Variants in ATP8A2 observed in about 807,000 individuals in gnomAD.
ATP8A2 encodes phospholipid-transporting ATPase IB.
A neutral mutation model predicts 165.6 loss-of-function variants in ATP8A2; 100 were observed. That is an observed-to-expected ratio of 0.60 (90% CI 0.51 to 0.71). The LOEUF is 0.71. Ranked by LOEUF, ATP8A2 falls within the 30% of genes least tolerant of loss-of-function variation. The pLI is 0.00. For synonymous variants in ATP8A2, 543 were observed against 548.8 expected (o/e 0.99, Z 0.15); for missense variants, 1,227 against 1,479.5 (o/e 0.83, Z 2.80).
intron 27 of ATP8A2, among the ~76,000 whole-genome samples, chr13:25,824,592 T>G (rs1325025484): frequency 2.0e-5 from 3 of 152,222 alleles, no homozygotes; most frequent in Non-Finnish European, 4.4e-5. Context: ...TCTGGTCTCC[T>G]ATCACTTTGC....
intron 35 of ATP8A2, among the ~76,000 whole-genome samples, chr13:25,998,195 A>G (rs1046141635): frequency 3.3e-5 from 5 of 152,194 alleles, no homozygotes; most frequent in Admixed American, 2.6e-4. Context: ...TGAAGAGGGA[A>G]AAGGATGCCT....
In ATP8A2 at chr13:25,532,274, G is replaced by T. The variant is rs992701371; in HGVS notation, c.423G>T (p.Lys141Asn). ...TATTTTTTTTCTTTCTGTAACAGAA[G>T]CGACACAAGGCAGACAATGCAGTTA... ...AGIKEIVEDF[K>N]RHKADNAVNK... The change falls in exon 5 of 37, where the codon AAG becomes AAT. Residue 141 changes from lysine (K) to asparagine (N), a missense_variant and splice_region_variant. Lys to Asn is a moderately conservative substitution (Grantham distance 94). This residue lies in a region of ATP8A2 where 356 missense variants were observed against 394.9 expected (regional missense o/e 0.90). Coordinates refer to ENST00000381655, the MANE Select transcript of ATP8A2 (RefSeq NM_016529.6). The T allele has an allele frequency of 1.9e-6, 3 of 1,609,046 alleles. No homozygotes were observed. The highest frequency in any genetic ancestry group is 2.5e-6 in the Non-Finnish European group (3 of 1,178,238).
chr13:25,383,623 C>T (rs1027959043), intron 1 of ATP8A2, among the ~76,000 whole-genome samples: 19 of 152,166 alleles, frequency 1.2e-4, no homozygotes, highest in Admixed American at 1.2e-3. Context: ...ATACTTCTGG[C>T]GTTTCAAGGT....
At chr13:25,710,381 G>A (rs1221999485) in intron 25 of ATP8A2, among the ~76,000 whole-genome samples, 1 of 152,074 alleles carries the variant, frequency 6.6e-6, no homozygotes, top group African/African-American at 2.4e-5. Flanking sequence ...TTATCTTACT[G>A]TATGTTTGTA....
chr13:25,441,582 A>G (rs867595533), intron 1 of ATP8A2, among the ~76,000 whole-genome samples: 60 of 152,168 alleles, frequency 3.9e-4, no homozygotes, highest in African/African-American at 1.4e-3. Flanking sequence ...GGTTTTTGCA[A>G]TCTAGATACA....
intron 24 of ATP8A2, among the ~76,000 whole-genome samples, chr13:25,695,613 C>T (rs535110848): frequency 2.6e-5 from 4 of 152,156 alleles, no homozygotes; most frequent in Admixed American, 2.0e-4. Flanking sequence ...ATGTTCACGG[C>T]GTGTTCACCA....
chr13:25,506,562 A>G (rs183201134), intron 2 of ATP8A2, among the ~76,000 whole-genome samples: 1 of 152,202 alleles, frequency 6.6e-6, no homozygotes, highest in Non-Finnish European at 1.5e-5. Flanking sequence ...CATTCATGAG[A>G]TAGAGTTCTG....
intron 25 of ATP8A2, among the ~76,000 whole-genome samples, chr13:25,720,118 G>A (rs1298118907): frequency 6.7e-6 from 1 of 150,182 alleles, no homozygotes; most frequent in African/African-American, 2.5e-5. Context: ...AAAATACCCA[G>A]CATGATTTCT....
At chr13:25,418,481 T>C (rs917339401) in intron 1 of ATP8A2, among the ~76,000 whole-genome samples, 1 of 151,870 alleles carries the variant, frequency 6.6e-6, no homozygotes, top group African/African-American at 2.4e-5. Flanking sequence ...TATTTTTTTT[T>C]CCAAAAAGTT....
intron 1 of ATP8A2, among the ~76,000 whole-genome samples, chr13:25,415,844 T>A (rs1180301341): frequency 1.3e-5 from 2 of 152,176 alleles, no homozygotes; most frequent in East Asian, 3.9e-4. Flanking sequence ...ATCTTTTTTT[T>A]TCTGAGACAG....
intron 1 of ATP8A2, among the ~76,000 whole-genome samples, chr13:25,382,086 C>T (rs561587400): frequency 1.3e-5 from 2 of 152,280 alleles, no homozygotes; most frequent in African/African-American, 4.8e-5. Flanking sequence ...GCTGTTCATC[C>T]CATCCTTCCT....
chr13:25,552,850 C>G (rs140902589), intron 11 of ATP8A2, among the ~76,000 whole-genome samples: 1 of 152,078 alleles, frequency 6.6e-6, no homozygotes, highest in Non-Finnish European at 1.5e-5. Flanking sequence ...CCTGCTCCCC[C>G]TGTACCTTCC....
rs539673872 is a variant in ATP8A2 at position 25,513,310 on chromosome 13, A to G, written c.222-16689A>G. Among the ~76,000 whole-genome samples, 206 of 146,896 alleles carry G rather than the reference A, an allele frequency of 1.4e-3. 1 individual carries two copies. The highest frequency in any genetic ancestry group is 4.4e-3 in the African/African-American group (173 of 39,386). On this transcript the variant is annotated intron_variant, in intron 2 of 36. Coordinates refer to ENST00000381655, the MANE Select transcript of ATP8A2 (RefSeq NM_016529.6). ...GCGGCCGGGTAGGGGTGCTCCTCAC[A>G]TCCCAGACGGGGCGGTGGGGCAGAG...
intron 36 of ATP8A2, among the ~76,000 whole-genome samples, chr13:26,012,874 G>A (rs924176133): frequency 1.3e-5 from 2 of 152,164 alleles, no homozygotes; most frequent in African/African-American, 4.8e-5. Flanking sequence ...TGATCCTTCC[G>A]TCAGCCTCCC....
chr13:25,505,453 G>A (rs556106960), intron 2 of ATP8A2, among the ~76,000 whole-genome samples: 6 of 152,114 alleles, frequency 3.9e-5, no homozygotes, highest in Admixed American at 1.3e-4. Flanking sequence ...ACTGTTATAC[G>A]TGTTAAAGTC....
chr13:25,543,304 G>A lies in ATP8A2; in HGVS notation c.793G>A (p.Gly265Arg), dbSNP rs1204761482. The part of the protein sequence containing the change: ...NLDGKSLVAL[G>R]PDQILLRGTQ... ...TTTTATTTTTAGCCTTGTTGCCCTTGGGCCTGACCAGATCTTATTAAGAGG... is the reference window on the plus strand; with the variant it reads ...TTTTATTTTTAGCCTTGTTGCCCTTAGGCCTGACCAGATCTTATTAAGAGG... Residue 265 changes from glycine (G) to arginine (R), a missense_variant, in exon 10 of 37, where the codon GGG becomes AGG. This residue lies in a region of ATP8A2 where 356 missense variants were observed against 394.9 expected (regional missense o/e 0.90). Coordinates refer to ENST00000381655, the MANE Select transcript of ATP8A2 (RefSeq NM_016529.6). The A allele has an allele frequency of 3.1e-6, 5 of 1,604,266 alleles. No homozygotes were observed. The highest frequency in any genetic ancestry group is 1.7e-4 in the Middle Eastern group (1 of 6,026).
At position 25,821,964 on chromosome 13, in the gene ATP8A2, C is replaced by T. The variant is rs373981443; in HGVS notation, c.2680-6154C>T. Among the ~76,000 whole-genome samples, 10 of 152,314 alleles carry T rather than the reference C, an allele frequency of 6.6e-5. No homozygotes were observed. In the East Asian group the frequency reaches 1.9e-3, roughly 29 times the overall value. On this transcript the variant is annotated intron_variant, in intron 27 of 36. Coordinates refer to ENST00000381655, the MANE Select transcript of ATP8A2 (RefSeq NM_016529.6). ...TCCCTCTTTCCCCCAGAGAACACTT[C>T]TACCACCTAAAGATGATGAATATTA...
intron 25 of ATP8A2, among the ~76,000 whole-genome samples, chr13:25,733,757 A>G (rs9511905): frequency 0.47 from 71,984 of 151,996 alleles, 17,211 homozygotes; most frequent in East Asian, 0.58. Flanking sequence ...CATGGTCTCA[A>G]GAAGTATCTT....
intron 24 of ATP8A2, among the ~76,000 whole-genome samples, chr13:25,650,523 C>T (rs532734710): frequency 2.0e-5 from 3 of 152,208 alleles, no homozygotes; most frequent in Admixed American, 1.3e-4. Context: ...TTCTTTTTCT[C>T]GACCTATCTA....
Sources: allele counts gnomAD v4.1 joint callset (sites outside exome capture counted in the v4.1 genomes callset), GRCh38; gene constraint gnomAD v4.1.1; regional missense constraint gnomAD v4.1.1; transcripts MANE v1.5; gene names NCBI Gene and HGNC (gene_info 2026-07-23, HGNC 2026-07-21).